FHIT: variants seen among roughly 807,000 people sequenced by gnomAD.
FHIT encodes the protein bis(5'-adenosyl)-triphosphatase.
Under a neutral mutation model 17.9 loss-of-function variants are expected in FHIT, and 19 were observed. The ratio of observed to expected loss-of-function variants is 1.06; its 90% confidence interval spans 0.74 to 1.56. The LOEUF is 1.56. Ranked by LOEUF, FHIT falls within the 40% of genes most tolerant of loss-of-function variation. FHIT has a pLI of 0.00. For missense variants in FHIT, 248 were observed against 189.2 expected (o/e 1.31, Z -1.82); for synonymous variants, 81 against 69.7 (o/e 1.16, Z -0.81).
chr3:61,204,401 C>CTATTTCCGAATTT (rs972923095), intron 1 of FHIT, among the ~76,000 whole-genome samples: 3 of 152,076 alleles, frequency 2.0e-5, no homozygotes, highest in African/African-American at 7.2e-5. Context: ...CATGTAGGCT[C>CTATTTCCGAATTT]TATTTCCGAA....
At chr3:60,453,464 A>G (rs963213714) in intron 5 of FHIT, among the ~76,000 whole-genome samples, 6 of 152,180 alleles carry the variant, frequency 3.9e-5, no homozygotes, top group African/African-American at 1.4e-4. Context: ...GCCAGGCACC[A>G]GGCTAGGATG....
intron 5 of FHIT, among the ~76,000 whole-genome samples, chr3:60,325,982 T>C (rs1709674004): frequency 6.6e-6 from 1 of 152,166 alleles, no homozygotes; most frequent in Non-Finnish European, 1.5e-5. Flanking sequence ...ATGCAAATAC[T>C]ATCAAGCGAG....
chr3:60,352,203 A>C (rs1017754723), intron 5 of FHIT, among the ~76,000 whole-genome samples: 1 of 152,214 alleles, frequency 6.6e-6, no homozygotes, highest in Non-Finnish European at 1.5e-5. Context: ...CAAGAGAAGC[A>C]ACTTAATTAT....
intron 4 of FHIT, among the ~76,000 whole-genome samples, chr3:60,749,693 G>A (rs2042428845): frequency 6.6e-6 from 1 of 152,338 alleles, no homozygotes; most frequent in East Asian, 1.9e-4. Context: ...ATCTCTAGGA[G>A]ACAATTGGAA....
chr3:60,380,659 A>T (rs1450576991), intron 5 of FHIT, among the ~76,000 whole-genome samples: 1 of 152,186 alleles, frequency 6.6e-6, no homozygotes, highest in Non-Finnish European at 1.5e-5. Context: ...GTCCAAGTTT[A>T]GTTGTCTCAC....
chr3:60,322,436 C>T (rs1034250217), intron 5 of FHIT, among the ~76,000 whole-genome samples: 8 of 152,224 alleles, frequency 5.3e-5, no homozygotes, highest in African/African-American at 1.9e-4. Context: ...GAATTATCAA[C>T]TTTTTGACCT....
intron 5 of FHIT, among the ~76,000 whole-genome samples, chr3:60,231,513 C>A (rs1704495755): frequency 6.6e-6 from 1 of 152,164 alleles, no homozygotes; most frequent in South Asian, 2.1e-4. Context: ...GTTTCCACAT[C>A]TTACATATGT....
At chr3:60,613,006 G>C (rs532141424) in intron 4 of FHIT, among the ~76,000 whole-genome samples, 4 of 152,312 alleles carry the variant, frequency 2.6e-5, no homozygotes, top group African/African-American at 9.6e-5. Flanking sequence ...TAACAGCCAA[G>C]AATGTCACAG....
chr3:60,016,196 G>T (rs1019058214), intron 5 of FHIT, among the ~76,000 whole-genome samples: 1 of 152,156 alleles, frequency 6.6e-6, no homozygotes, highest in Non-Finnish European at 1.5e-5. Context: ...TTACTATATT[G>T]AATTGAATAA....
At chr3:60,949,104 C>T (rs1262263672) in intron 3 of FHIT, among the ~76,000 whole-genome samples, 3 of 152,152 alleles carry the variant, frequency 2.0e-5, no homozygotes, top group East Asian at 3.9e-4. Flanking sequence ...CACTTAAAGC[C>T]CTATTACAAG....
chr3:60,693,136 T>C (rs2041031909), intron 4 of FHIT, among the ~76,000 whole-genome samples: 1 of 152,198 alleles, frequency 6.6e-6, no homozygotes, highest in Admixed American at 6.5e-5. Flanking sequence ...TTATAGAAAG[T>C]TGAACCAGGT....
chr3:60,248,575 C>A (rs541890659), intron 5 of FHIT, among the ~76,000 whole-genome samples: 6 of 152,174 alleles, frequency 3.9e-5, no homozygotes, highest in African/African-American at 1.4e-4. Context: ...CTTTTAAAAT[C>A]TTCATTTGAA....
At chr3:60,679,649 T>C (rs956163077) in intron 4 of FHIT, among the ~76,000 whole-genome samples, 1 of 152,114 alleles carries the variant, frequency 6.6e-6, no homozygotes, top group South Asian at 2.1e-4. Context: ...CTATAAATAC[T>C]ATAATACCAA....
At chr3:61,041,773 A>C (rs2033529558) in intron 3 of FHIT, among the ~76,000 whole-genome samples, 1 of 152,196 alleles carries the variant, frequency 6.6e-6, no homozygotes, top group African/African-American at 2.4e-5. Flanking sequence ...CTTTTGAGCT[A>C]ATAAAATGCA....
At chr3:60,502,524 C>A (rs550882836) in intron 5 of FHIT, among the ~76,000 whole-genome samples, 93 of 152,276 alleles carry the variant, frequency 6.1e-4, no homozygotes, top group African/African-American at 2.1e-3. Context: ...CTCCAAGGAT[C>A]CTGCAAAGTT....
At chr3:61,232,136 C>T (rs1168175094) in intron 1 of FHIT, among the ~76,000 whole-genome samples, 1 of 152,208 alleles carries the variant, frequency 6.6e-6, no homozygotes, top group Non-Finnish European at 1.5e-5. Flanking sequence ...GTAATCCCAG[C>T]ACTTTGAGAA....
At chr3:60,122,218 T>C (rs1705291615) in intron 5 of FHIT, among the ~76,000 whole-genome samples, 2 of 152,154 alleles carry the variant, frequency 1.3e-5, no homozygotes, top group Non-Finnish European at 2.9e-5. Flanking sequence ...AGCATTCTAA[T>C]AAAAACATTA....
chr3:60,125,908 C>A (rs1705527024), intron 5 of FHIT, among the ~76,000 whole-genome samples: 1 of 152,142 alleles, frequency 6.6e-6, no homozygotes, highest in African/African-American at 2.4e-5. Context: ...TATTGAGAGG[C>A]CTCTTTGTGT....
At chr3:61,239,784 T>TATATATATATATATATATATATAG (rs1350286112) in intron 1 of FHIT, among the ~76,000 whole-genome samples, 1 of 139,646 alleles carries the variant, frequency 7.2e-6, no homozygotes, top group African/African-American at 2.6e-5. Flanking sequence ...TATATATATA[T>TATATATATATATATATATATATAG]ACACAAATTC....
Sources: gnomAD v4.1 joint callset for allele counts (sites outside exome capture counted in the v4.1 genomes callset) on GRCh38, gnomAD v4.1.1 for gene constraint, MANE v1.5 for transcripts, NCBI Gene and HGNC (gene_info 2026-07-23, HGNC 2026-07-21) for gene names.